Variants in CAGE1 observed in about 807,000 individuals in gnomAD.
The protein encoded by CAGE1 is cancer-associated gene 1 protein.
CAGE1 carries 66 observed loss-of-function variants against 94.9 expected under a neutral mutation model. The observed-to-expected ratio is 0.70, with a 90% CI of 0.57 to 0.85. The LOEUF is 0.85. CAGE1 is among the 40% of genes least tolerant of loss of function. The pLI, the probability that CAGE1 is intolerant of heterozygous loss-of-function variation, is 0.00. For missense variants in CAGE1, 865 were observed against 950.4 expected, an observed-to-expected ratio of 0.91 and a Z score of 1.18; for synonymous variants, 319 against 321.0, an observed-to-expected ratio of 0.99 and a Z score of 0.07.
chr6:7,335,500 G>A (rs1386487188), intron 11 of CAGE1, among the ~76,000 whole-genome samples: 1 of 152,236 alleles, frequency 6.6e-6, no homozygotes, highest in East Asian at 1.9e-4. Context: ...CCTAAAAGAA[G>A]TTGCTACTTA....
Position 7,373,296 on chromosome 6 carries a change from C to A in CAGE1, c.1523G>T (p.Arg508Ile). 1 of 1,605,548 alleles carries A rather than the reference C, an allele frequency of 6.2e-7. No homozygotes were observed. The highest frequency in any genetic ancestry group is 8.5e-7 in the Non-Finnish European group (1 of 1,175,536). ...NLEERQKLKSRLEKLLTQVRN... is the reference protein window; with the variant it reads ...NLEERQKLKSILEKLLTQVRN... The stretch of plus-strand genomic sequence containing the variant: ...AACTTGAGTGAGCAATTTCTCAAGT[C>A]TAGATTTCAGTTTCTGTCTTTCTTC... The change falls in exon 5 of 14, where the codon AGA becomes ATA. Residue 508 changes from arginine (R) to isoleucine (I), a missense_variant. By Grantham distance (97) the Arg-to-Ile change is moderately conservative. Coordinates refer to ENST00000502583, the MANE Select transcript of CAGE1 (RefSeq NM_001170692.2).
intron 11 of CAGE1, among the ~76,000 whole-genome samples, chr6:7,348,866 A>G (rs1486192215): frequency 6.6e-6 from 1 of 152,208 alleles, no homozygotes; most frequent in African/African-American, 2.4e-5. Flanking sequence ...AAGACAAAGA[A>G]AAAAGAAAAA....
chr6:7,333,352 T>C (rs1236971916), intron 12 of CAGE1, among the ~76,000 whole-genome samples: 2 of 152,154 alleles, frequency 1.3e-5, no homozygotes, highest in African/African-American at 4.8e-5. Context: ...AGGCTTAATG[T>C]TACTGTAAGA....
chr6:7,373,237 T>C lies in CAGE1; in HGVS notation c.1582A>G (p.Thr528Ala), dbSNP rs1395911837. The C allele has an allele frequency of 1.2e-6, 2 of 1,606,426 alleles. No individual in the cohort carries two copies. Among genetic ancestry groups the C allele is most frequent in the Non-Finnish European group, 1.7e-6 (2 of 1,175,606 alleles). ...NLQFMSENER[T>A]KNIKLQQQIN... ...TGCTGCTGAAGTTTTATATTCTTCG[T>C]TCTTTCATTTTCAGACATAAATTGC... The change falls in exon 5 of 14, where the codon ACG (threonine) becomes GCG (alanine). Residue 528 changes from threonine to alanine, a missense_variant. Thr to Ala is a moderately conservative substitution (Grantham distance 58). Transcript: ENST00000502583.
At chr6:7,386,048 A>T (rs1555678) in intron 2 of CAGE1, among the ~76,000 whole-genome samples, 176 bp from the exon 3 acceptor site, 67,059 of 152,122 alleles carry the variant, frequency 0.44, 17,287 homozygotes, top group Middle Eastern at 0.59. Flanking sequence ...AACTATGCTA[A>T]CAGAGTCCCA....
intron 11 of CAGE1, 110 bp from the exon 12 acceptor site, chr6:7,334,200 C>A (rs1450149067): frequency 3.3e-6 from 2 of 613,354 alleles, no homozygotes; most frequent in Non-Finnish European, 5.6e-6. Context: ...ATCTAATTAT[C>A]TATATGCTAT....
chr6:7,368,995 AT>A lies in CAGE1; in HGVS notation c.1894-198del, dbSNP rs536947899. ...TAAAGGGTTAGTACAGAAAGATTTC[AT>A]TTTTTTTATTTTAATTTTTTTTTTT... On this transcript the variant is annotated intron_variant, in intron 6 of 13. Transcript: ENST00000502583. 9.0e-4 allele frequency among the ~76,000 whole-genome samples: 131 copies of A among 145,358 alleles called. No homozygotes were observed. The East Asian group carries it at 0.013, about 15-fold the overall frequency.
At chr6:7,347,465 C>T (rs904148149) in intron 11 of CAGE1, 111 of 143,428 alleles carry the variant, frequency 7.7e-4, no homozygotes, top group Non-Finnish European at 9.7e-4. Flanking sequence ...CCCAAGCAGG[C>T]CCTTCCTGCC....
At chr6:7,328,265 C>A (rs1338358709) in intron 13 of CAGE1, among the ~76,000 whole-genome samples, 4 of 152,138 alleles carry the variant, frequency 2.6e-5, no homozygotes, top group Non-Finnish European at 5.9e-5. Context: ...GAATATGAGA[C>A]AATTCCTGTA....
intron 9 of CAGE1, among the ~76,000 whole-genome samples, chr6:7,361,500 T>A (rs1362004513): frequency 6.6e-6 from 1 of 152,234 alleles, no homozygotes; most frequent in Non-Finnish European, 1.5e-5. Context: ...TGTGTGCATA[T>A]AAGTATTCCA....
At chr6:7,366,660 C>A (rs1194610404) in intron 7 of CAGE1, among the ~76,000 whole-genome samples, 2 of 152,176 alleles carry the variant, frequency 1.3e-5, no homozygotes, top group African/African-American at 4.8e-5. Flanking sequence ...GAACGAAATG[C>A]ATCCTGTGTG....
Position 7,342,000 on chromosome 6 carries a change from G to A in CAGE1, c.2370-7910C>T, listed in dbSNP as rs146358975. The stretch of plus-strand genomic sequence containing the variant: ...TGTTCTCACTGGTGCCAAGGTTAAC[G>A]AAGCTCAAGGTGTTCTTGTCCTTAT... On this transcript the variant is annotated intron_variant, in intron 11 of 13. Transcript: ENST00000502583. 2,145 of 785,636 alleles carry A rather than the reference G, an allele frequency of 2.7e-3. 10 individuals carry two copies. Among genetic ancestry groups the A allele is most frequent in the Non-Finnish European group, 3.7e-3 (1,625 of 433,902 alleles). The allele number at this position is 785,636 out of a possible 1,614,324, so 48.7% of individuals were successfully genotyped here.
intron 11 of CAGE1, among the ~76,000 whole-genome samples, chr6:7,344,637 C>T (rs371511119): frequency 1.2e-4 from 19 of 152,374 alleles, no homozygotes; most frequent in African/African-American, 4.3e-4. Context: ...GCTCCACCTG[C>T]AGCCCCGGTG....
chr6:7,364,625 C>T (rs1045629576), intron 9 of CAGE1, among the ~76,000 whole-genome samples: 21 of 152,048 alleles, frequency 1.4e-4, no homozygotes, highest in African/African-American at 4.8e-4. Context: ...CCTGCCACCG[C>T]GCCCGGCTAA....
Position 7,362,155 on chromosome 6 carries a change from A to G in CAGE1, c.2193+3313T>C, listed in dbSNP as rs1210200226. Among the ~76,000 whole-genome samples, 14 of 152,254 alleles carry G rather than the reference A, an allele frequency of 9.2e-5. No individual in the cohort carries two copies. The highest frequency in any genetic ancestry group is 9.2e-4 in the Admixed American group (14 of 15,284). ...TAACAAGCTGTTAATTTTAAAGGCT[A>G]CCAAAATAATAAGTTAGGTAAATGT... On this transcript the variant is annotated intron_variant, in intron 9 of 13. Coordinates refer to ENST00000502583, the MANE Select transcript of CAGE1 (RefSeq NM_001170692.2). The surrounding 1 kb of genome is among the most constrained non-coding windows in gnomAD (Gnocchi z 4.1).
chr6:7,364,017 G>C (rs1413906218), intron 9 of CAGE1, among the ~76,000 whole-genome samples: 1 of 152,142 alleles, frequency 6.6e-6, no homozygotes, highest in Non-Finnish European at 1.5e-5. Flanking sequence ...GCATTTTAAA[G>C]GTGTGTCTGA....
At chr6:7,387,707 C>G (rs1421147577) in intron 1 of CAGE1, among the ~76,000 whole-genome samples, 1 of 151,954 alleles carries the variant, frequency 6.6e-6, no homozygotes, top group Admixed American at 6.6e-5. Flanking sequence ...TACCAAGTCC[C>G]GTCCATGTCT....
At chr6:7,344,278 G>A (rs574997073) in intron 11 of CAGE1, among the ~76,000 whole-genome samples, 1 of 152,348 alleles carries the variant, frequency 6.6e-6, no homozygotes, top group East Asian at 1.9e-4. Flanking sequence ...TGGAGTTCCG[G>A]GTAGGCGTGG....
At chr6:7,365,344 C>T in intron 9 of CAGE1, 124 bp downstream of exon 9, 1 of 687,438 alleles carries the variant, frequency 1.5e-6, no homozygotes, top group South Asian at 2.1e-5. Context: ...ATAATAATGC[C>T]ATGATGCCAG....
Sources: allele counts gnomAD v4.1 joint callset (sites outside exome capture counted in the v4.1 genomes callset), GRCh38; gene constraint gnomAD v4.1.1; non-coding constraint Gnocchi (gnomAD v3.1); transcripts MANE v1.5; gene names NCBI Gene and HGNC (gene_info 2026-07-23, HGNC 2026-07-21).